The following SHROOM3 variants were observed in gnomAD, a reference collection of about 807,000 sequenced individuals.
The protein encoded by SHROOM3 is shroom family member 3, also known as protein Shroom3.
A neutral mutation model predicts 138.6 loss-of-function variants in SHROOM3; 47 were observed. That is an observed-to-expected ratio of 0.34 (90% CI 0.27 to 0.43). The LOEUF is 0.43. SHROOM3 is among the 20% of genes least tolerant of loss of function. SHROOM3 has a pLI of 1.00. For synonymous variants in SHROOM3, 1,062 were observed against 1,063.3 expected (o/e 1.00, Z 0.02); for missense variants, 2,491 against 2,596.5 (o/e 0.96, Z 0.88).
intron 1 of SHROOM3, among the ~76,000 whole-genome samples, chr4:76,509,983 C>G (rs1732299059): frequency 6.6e-6 from 1 of 152,096 alleles, no homozygotes; most frequent in African/African-American, 2.4e-5. Flanking sequence ...AATATGAACA[C>G]TTCCAATGTC....
At chr4:76,713,735 C>T (rs1304319235) in intron 3 of SHROOM3, among the ~76,000 whole-genome samples, 5 of 152,162 alleles carry the variant, frequency 3.3e-5, no homozygotes, top group Admixed American at 2.6e-4. Flanking sequence ...ATCAAAACCA[C>T]GTGAGTGATG....
intron 2 of SHROOM3, among the ~76,000 whole-genome samples, chr4:76,619,740 G>A (rs28410673): frequency 0.2 from 30,416 of 151,724 alleles, 3,830 homozygotes; most frequent in African/African-American, 0.35. Context: ...TAGAGGGGAC[G>A]GTCACACAAA....
rs138430979 is a variant in SHROOM3 at position 76,445,277 on chromosome 4, T to G, written c.168+9057T>G. Among the ~76,000 whole-genome samples the G allele has an allele frequency of 1.1e-4, 16 of 152,258 alleles. No individual in the cohort carries two copies. In the East Asian group the frequency reaches 3.1e-3, roughly 29 times the overall value. On this transcript the variant is annotated intron_variant, in intron 1 of 10. Coordinates refer to ENST00000296043, the MANE Select transcript of SHROOM3 (RefSeq NM_020859.4). ...CAGTTGCTACCTCACACTGAAACAC[T>G]GAACAGATTATTCCCTGCCATCATA... is the stretch of plus-strand genomic sequence containing the variant.
chr4:76,619,978 C>G (rs1241116356), intron 2 of SHROOM3, among the ~76,000 whole-genome samples: 1 of 145,580 alleles, frequency 6.9e-6, no homozygotes, highest in African/African-American at 2.6e-5. Flanking sequence ...AGGAGAATTA[C>G]TTGAACCTGG....
intron 2 of SHROOM3, among the ~76,000 whole-genome samples, chr4:76,649,236 T>A (rs371154770): frequency 5.9e-5 from 9 of 152,162 alleles, no homozygotes; most frequent in African/African-American, 1.7e-4. Context: ...GACCTTTTCC[T>A]GGCCAATTAA....
At chr4:76,464,227 C>T (rs1185588454) in intron 1 of SHROOM3, among the ~76,000 whole-genome samples, 1 of 152,208 alleles carries the variant, frequency 6.6e-6, no homozygotes, top group Non-Finnish European at 1.5e-5. Context: ...ATCAGCATGA[C>T]TTGGATGTGA....
At chr4:76,710,124 T>C (rs1274412518) in intron 2 of SHROOM3, 32 bp from the exon 3 acceptor site, 1 of 1,613,560 alleles carries the variant, frequency 6.2e-7, no homozygotes. Flanking sequence ...AACACCATCA[T>C]GCTCAGCTTC....
intron 1 of SHROOM3, among the ~76,000 whole-genome samples, chr4:76,470,250 T>A (rs1731342073): frequency 6.6e-6 from 1 of 152,190 alleles, no homozygotes; most frequent in Non-Finnish European, 1.5e-5. Flanking sequence ...TCTGTGAGAA[T>A]CAAGTGAGTT....
chr4:76,600,576 C>T (rs755249476), intron 2 of SHROOM3, among the ~76,000 whole-genome samples: 19 of 151,956 alleles, frequency 1.3e-4, no homozygotes, highest in Non-Finnish European at 2.6e-4. Flanking sequence ...GCTAATAGCA[C>T]CTAAAGAAAA....
intron 5 of SHROOM3, among the ~76,000 whole-genome samples, chr4:76,747,317 G>A (rs1288930421): frequency 6.6e-6 from 1 of 151,696 alleles, no homozygotes; most frequent in Non-Finnish European, 1.5e-5. Context: ...ATTAAGTCTT[G>A]ACAGTGAATA....
chr4:76,555,483 G>C, intron 1 of SHROOM3, 126 bp from the exon 2 acceptor site: 2 of 1,379,698 alleles, frequency 1.4e-6, no homozygotes, highest in Non-Finnish European at 2.0e-6. Flanking sequence ...GGCTGCAAGC[G>C]CTGGGGTGTG....
Position 76,508,041 on chromosome 4 carries a change from T to C in SHROOM3, c.169-47568T>C, listed in dbSNP as rs186459711. ...TTTTTGTATTCTCTTTATGTTGTCA[T>C]TTGAAACACAGTTTTAAATTTTGAT... On this transcript the variant is annotated intron_variant, in intron 1 of 10. Coordinates refer to ENST00000296043, the MANE Select transcript of SHROOM3 (RefSeq NM_020859.4). Among the ~76,000 whole-genome samples, 4 of 152,350 alleles carry C rather than the reference T, an allele frequency of 2.6e-5. No individual in the cohort carries two copies. The East Asian group carries it at 5.8e-4, about 22-fold the overall frequency.
intron 1 of SHROOM3, among the ~76,000 whole-genome samples, chr4:76,511,482 A>G (rs1198063786): frequency 6.6e-6 from 1 of 152,162 alleles, no homozygotes; most frequent in African/African-American, 2.4e-5. Flanking sequence ...GTCACCACTC[A>G]ACAACACCTC....
At chr4:76,486,453 A>C (rs1482215943) in intron 1 of SHROOM3, among the ~76,000 whole-genome samples, 5 of 152,222 alleles carry the variant, frequency 3.3e-5, no homozygotes, top group Admixed American at 3.3e-4. Flanking sequence ...GAGTGTTGAC[A>C]ATACCTGTTG....
chr4:76,628,042 A>C (rs975319169), intron 2 of SHROOM3, among the ~76,000 whole-genome samples: 1 of 152,204 alleles, frequency 6.6e-6, no homozygotes, highest in African/African-American at 2.4e-5. Context: ...TTGAAAATAG[A>C]CACCTACTTT....
intron 2 of SHROOM3, among the ~76,000 whole-genome samples, chr4:76,629,506 A>G (rs1424884805): frequency 6.6e-6 from 1 of 152,344 alleles, no homozygotes; most frequent in East Asian, 1.9e-4. Context: ...TTTTAGAATA[A>G]TCACTCTGGC....
intron 2 of SHROOM3, among the ~76,000 whole-genome samples, chr4:76,567,888 C>T (rs1052616978): frequency 6.6e-6 from 1 of 151,606 alleles, no homozygotes; most frequent in African/African-American, 2.4e-5. Context: ...TTACATGGTA[C>T]TGAACGTTTT....
chr4:76,680,210 T>G (rs1298729113), intron 2 of SHROOM3, among the ~76,000 whole-genome samples: 1 of 151,602 alleles, frequency 6.6e-6, no homozygotes, highest in Non-Finnish European at 1.5e-5. Context: ...GCGCAATCTC[T>G]TCTCACTGCA....
Position 76,471,698 on chromosome 4 carries a change from C to T in SHROOM3, c.168+35478C>T, listed in dbSNP as rs576912393. 5.5e-4 allele frequency among the ~76,000 whole-genome samples: 84 copies of T among 152,168 alleles called. No individual in the cohort carries two copies. In the South Asian group the frequency reaches 9.4e-3, roughly 17 times the overall value. Reference sequence around the variant, plus strand: ...ACATATGAATGTATTAAGAATGGGCCCAACATCTAACAATAAAAAAAATGG... The same window carrying T: ...ACATATGAATGTATTAAGAATGGGCTCAACATCTAACAATAAAAAAAATGG... On this transcript the variant is annotated intron_variant, in intron 1 of 10. Transcript: ENST00000296043.
Sources: gnomAD v4.1 joint callset for allele counts (sites outside exome capture counted in the v4.1 genomes callset) on GRCh38, gnomAD v4.1.1 for gene constraint, MANE v1.5 for transcripts, NCBI Gene and HGNC (gene_info 2026-07-23, HGNC 2026-07-21) for gene names.